The following SMPD3 variants were observed in gnomAD, a reference collection of about 807,000 sequenced individuals.
The protein encoded by SMPD3 is sphingomyelin phosphodiesterase 3.
Under a neutral mutation model 55.7 loss-of-function variants are expected in SMPD3, and 21 were observed. The ratio of observed to expected loss-of-function variants is 0.38; its 90% CI spans 0.27 to 0.54. The LOEUF is 0.54. SMPD3 is among the 20% of genes least tolerant of loss of function. The pLI is 0.80. For synonymous variants in SMPD3, 457 were observed against 404.3 expected (o/e 1.13, Z -1.56); for missense variants, 842 against 899.6 (o/e 0.94, Z 0.82).
chr16:68,363,796 C>T lies in SMPD3; in HGVS notation c.1626G>A (p.Glu542=), dbSNP rs1348451601. ...GCTCACCGATGGCCCACGGCTTCTC[C>T]TCACCAGGCCCCAGGCGGCAGGGGT... The part of the protein sequence containing the change: ...YRDPCRLGPG[E]EKPWAIGTLL... Residue 542 remains glutamate, a synonymous_variant, in exon 6 of 9, where the codon GAG becomes GAA. Coordinates refer to ENST00000219334, the MANE Select transcript of SMPD3 (RefSeq NM_018667.4). The T allele has an allele frequency of 1.3e-6, 2 of 1,568,812 alleles. No individual in the cohort carries two copies.
intron 7 of SMPD3, 100 bp from the exon 8 acceptor site, chr16:68,361,859 G>T (rs764477262): frequency 3.9e-6 from 5 of 1,279,734 alleles, no homozygotes; most frequent in Non-Finnish European, 5.3e-6. Context: ...GTGTGGGAGC[G>T]GGTGGGTGGG....
At chr16:68,419,440 C>G (rs930043743) in intron 1 of SMPD3, among the ~76,000 whole-genome samples, 2 of 152,210 alleles carry the variant, frequency 1.3e-5, no homozygotes, top group Admixed American at 6.5e-5. Flanking sequence ...GCCCTATCAC[C>G]CACAGGCAGC....
intron 1 of SMPD3, among the ~76,000 whole-genome samples, chr16:68,443,900 C>T (rs1037211428): frequency 6.6e-6 from 1 of 152,178 alleles, no homozygotes; most frequent in African/African-American, 2.4e-5. Context: ...AATTCTTCCC[C>T]TTCTGTGTAA....
At chr16:68,421,669 T>A (rs1344553417) in intron 1 of SMPD3, among the ~76,000 whole-genome samples, 1 of 152,232 alleles carries the variant, frequency 6.6e-6, no homozygotes, top group East Asian at 1.9e-4. Flanking sequence ...GAATGAGGCC[T>A]GATACTCATA....
At chr16:68,364,635 A>G (rs1042818629) in intron 5 of SMPD3, 116 bp downstream of exon 5, 2 of 1,193,280 alleles carry the variant, frequency 1.7e-6, no homozygotes, top group Non-Finnish European at 2.4e-6. Flanking sequence ...TACCCCGCCC[A>G]CATGCTCTCG....
intron 1 of SMPD3, among the ~76,000 whole-genome samples, chr16:68,387,252 G>A (rs1254232079): frequency 6.6e-6 from 1 of 152,122 alleles, no homozygotes; most frequent in Non-Finnish European, 1.5e-5. Flanking sequence ...TTATCTAAGG[G>A]GGAGCAGGTC....
intron 2 of SMPD3, among the ~76,000 whole-genome samples, chr16:68,382,969 C>T (rs1010550926): frequency 1.3e-5 from 2 of 152,172 alleles, no homozygotes; most frequent in East Asian, 1.9e-4. Flanking sequence ...CTCGGCCTCC[C>T]GAGTATCTGG....
In SMPD3 at chr16:68,438,640, A is replaced by G. The variant is rs528359404; in HGVS notation, c.-269+9713T>C. Among the ~76,000 whole-genome samples, 17 of 152,278 alleles carry G rather than the reference A, an allele frequency of 1.1e-4. No homozygotes were observed. In the South Asian group the frequency reaches 2.7e-3, roughly 24 times the overall value. On this transcript the variant is annotated intron_variant, in intron 1 of 8. Coordinates refer to ENST00000219334, the MANE Select transcript of SMPD3 (RefSeq NM_018667.4). ...CTTCTCCATTTCAGTGCTCCCAAAC[A>G]TACCATTGTCATTCCTACCCCTGTT...
chr16:68,443,041 G>C (rs2090579646), intron 1 of SMPD3, among the ~76,000 whole-genome samples: 1 of 152,188 alleles, frequency 6.6e-6, no homozygotes, highest in Non-Finnish European at 1.5e-5. Context: ...CTGAGGCCCA[G>C]GGAGAGGAGA....
At chr16:68,422,872 C>A (rs1427275637) in intron 1 of SMPD3, among the ~76,000 whole-genome samples, 1 of 152,116 alleles carries the variant, frequency 6.6e-6, no homozygotes, top group Non-Finnish European at 1.5e-5. Flanking sequence ...CTCTGAGGTC[C>A]TTTTCAGCTA....
chr16:68,376,703 A>G (rs2089824624), intron 2 of SMPD3, among the ~76,000 whole-genome samples: 1 of 152,182 alleles, frequency 6.6e-6, no homozygotes, highest in Non-Finnish European at 1.5e-5. Context: ...GGCAGGCCCC[A>G]TGGTCACTCC....
chr16:68,398,547 G>T (rs1448977029), intron 1 of SMPD3, among the ~76,000 whole-genome samples: 4 of 152,176 alleles, frequency 2.6e-5, no homozygotes, highest in African/African-American at 9.7e-5. Flanking sequence ...CCACCAAAAA[G>T]CTGGCGATTC....
At chr16:68,419,882 T>C (rs913537636) in intron 1 of SMPD3, among the ~76,000 whole-genome samples, 1 of 152,134 alleles carries the variant, frequency 6.6e-6, no homozygotes, top group Non-Finnish European at 1.5e-5. Flanking sequence ...TCACTAATTG[T>C]GGGAACTTGG....
At chr16:68,416,392 C>G (rs1292687908) in intron 1 of SMPD3, among the ~76,000 whole-genome samples, 2 of 152,192 alleles carry the variant, frequency 1.3e-5, no homozygotes, top group Admixed American at 6.5e-5. Context: ...TTCTACTTCC[C>G]GTCCCACTCT....
chr16:68,375,926 C>T (rs1023726197), intron 2 of SMPD3, among the ~76,000 whole-genome samples: 9 of 152,152 alleles, frequency 5.9e-5, no homozygotes, highest in African/African-American at 1.9e-4. Flanking sequence ...CTCCAGGTCC[C>T]CCGTCCATAG....
intron 1 of SMPD3, among the ~76,000 whole-genome samples, chr16:68,398,831 G>A (rs1444790008): frequency 6.6e-6 from 1 of 152,094 alleles, no homozygotes; most frequent in African/African-American, 2.4e-5. Context: ...AATCTTTTGT[G>A]GGCCTTGGTG....
intron 2 of SMPD3, among the ~76,000 whole-genome samples, chr16:68,378,690 G>C (rs943737666): frequency 2.6e-5 from 4 of 152,090 alleles, no homozygotes; most frequent in Non-Finnish European, 5.9e-5. Flanking sequence ...TCCACAGGGA[G>C]GGCAGTGAGC....
intron 2 of SMPD3, among the ~76,000 whole-genome samples, chr16:68,382,540 G>A (rs184628843): frequency 7.5e-4 from 115 of 152,356 alleles, no homozygotes; most frequent in Non-Finnish European, 1.4e-3. Context: ...GGGTGTCCCC[G>A]AGGGAGGGTG....
intron 1 of SMPD3, among the ~76,000 whole-genome samples, chr16:68,428,835 C>G (rs1190543556): frequency 6.6e-6 from 1 of 152,176 alleles, no homozygotes; most frequent in Non-Finnish European, 1.5e-5. Context: ...TGGTCATGCA[C>G]AGCAGCGTGT....
Sources: allele counts gnomAD v4.1 joint callset (sites outside exome capture counted in the v4.1 genomes callset), GRCh38; gene constraint gnomAD v4.1.1; transcripts MANE v1.5; gene names NCBI Gene and HGNC (gene_info 2026-07-23, HGNC 2026-07-21).